PARD3: variants seen among roughly 807,000 people sequenced by gnomAD.
PARD3 encodes par-3 family cell polarity regulator, also known as partitioning defective 3 homolog.
A neutral mutation model predicts 155.4 loss-of-function variants in PARD3; 75 were observed. The ratio of observed to expected loss-of-function variants is 0.48; its 90% CI spans 0.40 to 0.58. The LOEUF (loss-of-function observed/expected upper bound fraction) is 0.58. Among genes scored for constraint, PARD3 ranks in the 20% least tolerant of loss-of-function variants. PARD3 has a pLI of 0.00. For synonymous variants in PARD3, 576 were observed against 610.5 expected (o/e 0.94, Z 0.83); for missense variants, 1,642 against 1,721.7 (o/e 0.95, Z 0.82).
intron 22 of PARD3, among the ~76,000 whole-genome samples, chr10:34,248,937 G>A (rs1954126562): frequency 6.6e-6 from 1 of 152,180 alleles, no homozygotes; most frequent in African/African-American, 2.4e-5. Flanking sequence ...ACCGGGGATT[G>A]ATAATTTTAA....
At chr10:34,119,497 T>C in intron 24 of PARD3, 116 bp downstream of exon 24, 1 of 1,060,282 alleles carries the variant, frequency 9.4e-7, no homozygotes, top group African/African-American at 1.6e-5. Flanking sequence ...GTTCCTCTGT[T>C]GCTACCAGGG....
At chr10:34,284,395 T>C in intron 20 of PARD3, 150 bp from the exon 21 acceptor site, 1 of 505,714 alleles carries the variant, frequency 2.0e-6, no homozygotes, top group Non-Finnish European at 3.4e-6. Context: ...GGGTCAGGAC[T>C]AGTATTTTGA....
chr10:34,344,875 A>T (rs1589247456), intron 15 of PARD3: 1 of 985,292 alleles, frequency 1.0e-6, no homozygotes, highest in Admixed American at 6.1e-5. Context: ...AGAAGTACAG[A>T]AAGTGTGCAA....
intron 22 of PARD3, 101 bp from the exon 23 acceptor site, chr10:34,131,684 TTAAG>T: frequency 1.0e-6 from 1 of 1,003,654 alleles, no homozygotes; most frequent in Admixed American, 2.1e-5. Flanking sequence ...ATGACGCCAT[TTAAG>T]AGAAAGTGAA....
intron 24 of PARD3, among the ~76,000 whole-genome samples, chr10:34,119,040 G>A (rs769523310): frequency 6.6e-6 from 1 of 152,154 alleles, no homozygotes; most frequent in Non-Finnish European, 1.5e-5. Flanking sequence ...CCCCTGGGGA[G>A]CAGGCAAGTA....
chr10:34,272,736 A>G (rs1955680828), intron 21 of PARD3, among the ~76,000 whole-genome samples: 1 of 152,146 alleles, frequency 6.6e-6, no homozygotes, highest in African/African-American at 2.4e-5. Context: ...AAACAAACAA[A>G]CAATCAAACA....
intron 22 of PARD3, among the ~76,000 whole-genome samples, chr10:34,154,188 G>A (rs1040682046): frequency 1.3e-5 from 2 of 152,134 alleles, no homozygotes; most frequent in African/African-American, 4.8e-5. Flanking sequence ...GTTTTCTGAT[G>A]AACAGACTTT....
chr10:34,455,036 A>G (rs1374341654), intron 4 of PARD3, among the ~76,000 whole-genome samples: 1 of 152,170 alleles, frequency 6.6e-6, no homozygotes, highest in Non-Finnish European at 1.5e-5. Context: ...TCCAAGCTTT[A>G]TCTCCCAGAA....
In PARD3 at chr10:34,348,009, A is replaced by G; in HGVS notation, c.2174T>C (p.Leu725Pro). Reference sequence around the variant, plus strand: ...AGCATTTCTGCTGGGCGATTCATCAAGCCCCTCAATCCCACTGTAGAGGGA... The same window carrying G: ...AGCATTTCTGCTGGGCGATTCATCAGGCCCCTCAATCCCACTGTAGAGGGA... ...SHSLYSGIEG[L>P]DESPSRNAAL... The change falls in exon 15 of 25, where the codon CTT becomes CCT. Residue 725 changes from leucine (L) to proline (P), a missense_variant. This residue lies in a region of PARD3 where 1,529 missense variants were observed against 1,587.3 expected (regional missense o/e 0.96). Coordinates refer to ENST00000374788, the MANE Select transcript of PARD3 (RefSeq NM_001184785.2). 6.2e-7 allele frequency: 1 copy of G among 1,613,616 alleles called. No homozygotes were observed.
At chr10:34,349,099 C>T (rs919374704) in intron 14 of PARD3, among the ~76,000 whole-genome samples, 11 of 152,068 alleles carry the variant, frequency 7.2e-5, no homozygotes, top group African/African-American at 2.2e-4. Context: ...CAGGAAGGGC[C>T]AATGTGGGGG....
chr10:34,644,854 T>TTTTA (rs1179329183), intron 2 of PARD3, among the ~76,000 whole-genome samples: 2 of 152,148 alleles, frequency 1.3e-5, no homozygotes, highest in East Asian at 3.8e-4. Context: ...AAACTACATG[T>TTTTA]TTTATTTATT....
intron 1 of PARD3, among the ~76,000 whole-genome samples, chr10:34,705,111 C>G (rs2094343623): frequency 6.6e-6 from 1 of 152,236 alleles, no homozygotes; most frequent in South Asian, 2.1e-4. Flanking sequence ...ATTAGCACTT[C>G]AAGATAGATA....
chr10:34,468,206 G>A (rs1214375452), intron 4 of PARD3, among the ~76,000 whole-genome samples: 3 of 152,226 alleles, frequency 2.0e-5, no homozygotes, highest in Admixed American at 6.5e-5. Context: ...TAGTTTTAAA[G>A]GTTCTCCAGG....
intron 5 of PARD3, among the ~76,000 whole-genome samples, chr10:34,447,569 G>A (rs955337329): frequency 3.5e-5 from 5 of 143,462 alleles, no homozygotes; most frequent in African/African-American, 1.0e-4. Flanking sequence ...TTGAAAGGCC[G>A]AGGCGGGCAG....
At chr10:34,596,816 G>C (rs1010350022) in intron 2 of PARD3, among the ~76,000 whole-genome samples, 13 of 152,162 alleles carry the variant, frequency 8.5e-5, no homozygotes, top group Admixed American at 6.6e-4. Flanking sequence ...GAGAGTGGCA[G>C]AGATTTGCAC....
At chr10:34,148,434 A>G (rs2244087) in intron 22 of PARD3, among the ~76,000 whole-genome samples, 1,846 of 152,274 alleles carry the variant, frequency 0.012, 35 homozygotes, top group African/African-American at 0.042. Flanking sequence ...TAGTGTCTCC[A>G]TGGATTTTGG....
chr10:34,701,130 G>A (rs773274934), intron 1 of PARD3, among the ~76,000 whole-genome samples: 7 of 152,194 alleles, frequency 4.6e-5, no homozygotes, highest in Non-Finnish European at 1.0e-4. Flanking sequence ...GGTTTTAGCA[G>A]AATGAGCAGA....
chr10:34,592,281 T>C (rs1220028337), intron 2 of PARD3, among the ~76,000 whole-genome samples: 2 of 152,314 alleles, frequency 1.3e-5, no homozygotes, highest in Non-Finnish European at 2.9e-5. Context: ...TGAGAACAGG[T>C]GAAACCTCCC....
At chr10:34,676,423 G>A (rs2093708497) in intron 2 of PARD3, among the ~76,000 whole-genome samples, 1 of 152,096 alleles carries the variant, frequency 6.6e-6, no homozygotes, top group Non-Finnish European at 1.5e-5. Flanking sequence ...CAGGAATTTT[G>A]TACAAGAAGT....
Sources: allele counts gnomAD v4.1 joint callset (sites outside exome capture counted in the v4.1 genomes callset), GRCh38; gene constraint gnomAD v4.1.1; regional missense constraint gnomAD v4.1.1; transcripts MANE v1.5; gene names NCBI Gene and HGNC (gene_info 2026-07-23, HGNC 2026-07-21).